The following KIF21B variants were observed in gnomAD, a reference collection of about 807,000 sequenced individuals.
KIF21B encodes kinesin family member 21B.
KIF21B carries 85 observed loss-of-function variants against 192.9 expected under a neutral mutation model. That is an observed-to-expected ratio of 0.44 (90% CI 0.37 to 0.53). KIF21B has a LOEUF of 0.53. Among genes scored for constraint, KIF21B ranks in the 20% least tolerant of loss-of-function variants. The pLI, the probability that KIF21B is intolerant of heterozygous loss-of-function variation, is 0.00. For missense variants in KIF21B, 1,716 were observed against 2,194.8 expected (o/e 0.78, Z 4.36); for synonymous variants, 832 against 884.6 (o/e 0.94, Z 1.05).
chr1:201,004,470 C>CCCTG lies in KIF21B; in HGVS notation c.901-19_901-16dup. 1 of 1,553,752 alleles carries CCCTG rather than the reference C, an allele frequency of 6.4e-7. No individual in the cohort carries two copies. The highest frequency in any genetic ancestry group is 1.2e-5 in the South Asian group (1 of 84,614). ...CCCAAGGCCAGCTGTGGGAGACAGA[C>CCCTG]CCTGGCACTCAGCAGTCACTCAGGG... On this transcript the variant is annotated splice_polypyrimidine_tract_variant and intron_variant, in intron 6 of 34. Coordinates refer to ENST00000461742, the MANE Select transcript of KIF21B (RefSeq NM_001252102.2).
chr1:200,974,049 G>C (rs777184295), intron 34 of KIF21B: 2 of 1,599,478 alleles, frequency 1.3e-6, no homozygotes, highest in African/African-American at 2.7e-5. Flanking sequence ...GAGGGAAAAG[G>C]AAAGAGGGGA....
chr1:200,976,708 G>T, intron 32 of KIF21B, 68 bp downstream of exon 32: 1 of 999,672 alleles, frequency 1.0e-6, no homozygotes, highest in Non-Finnish European at 1.5e-6. Flanking sequence ...GTACTCCCAG[G>T]GCAACAGAGG....
intron 15 of KIF21B, among the ~76,000 whole-genome samples, chr1:200,993,004 C>T (rs1183691031): frequency 7.2e-5 from 11 of 152,188 alleles, no homozygotes; most frequent in African/African-American, 1.2e-4. Context: ...GGCCATATTC[C>T]GAAAACAAAT....
At position 201,017,279 on chromosome 1, in the gene KIF21B, C is replaced by A. The variant is rs1040572100; in HGVS notation, c.41+6064G>T. Among the ~76,000 whole-genome samples the A allele has an allele frequency of 6.6e-6, 1 of 152,150 alleles. No homozygotes were observed. The highest frequency in any genetic ancestry group is 1.5e-5 in the Non-Finnish European group (1 of 68,028). On this transcript the variant is annotated intron_variant, in intron 1 of 34. Transcript: ENST00000461742. The surrounding 1 kb of genome is among the most constrained non-coding windows in gnomAD (Gnocchi z 4.1). ...GGAGGAGCTGAAAGAAGGGGCCAGT[C>A]CCTGTCCTGAGTTGGATATATCCCC...
chr1:201,021,765 A>G (rs368828134), intron 1 of KIF21B, among the ~76,000 whole-genome samples: 26 of 152,174 alleles, frequency 1.7e-4, no homozygotes, highest in Middle Eastern at 6.8e-3. Flanking sequence ...GGCACCCCCA[A>G]GCCCCTTCCT....
chr1:200,980,055 C>T (rs1336412366), intron 29 of KIF21B, among the ~76,000 whole-genome samples: 2 of 152,176 alleles, frequency 1.3e-5, no homozygotes, highest in Non-Finnish European at 2.9e-5. Flanking sequence ...TTCCTCCAAA[C>T]ACTAATTGCT....
In KIF21B at chr1:201,000,801, G is replaced by T. The variant is rs1657447072; in HGVS notation, c.1403-21C>A. The T allele has an allele frequency of 1.9e-6, 3 of 1,613,932 alleles. No individual in the cohort carries two copies. The East Asian group carries it at 6.7e-5, about 36-fold the overall frequency. On this transcript the variant is annotated intron_variant, in intron 9 of 34. Transcript: ENST00000461742. This position sits in a 1 kb window ranked among gnomAD's most constrained non-coding sequence, Gnocchi z 6.0. ...ATCGCCTGGAGTGGGACGGCGGGAA[G>T]AAGGGTGCGATAAAGAAGATAAATA...
At chr1:200,978,605 C>T (rs1404960756) in intron 30 of KIF21B, among the ~76,000 whole-genome samples, 1 of 152,172 alleles carries the variant, frequency 6.6e-6, no homozygotes, top group Non-Finnish European at 1.5e-5. Context: ...AGGGTTTGAA[C>T]AAATGTATAA....
At position 200,998,401 on chromosome 1, in the gene KIF21B, C is replaced by T. The variant is rs1657213030; in HGVS notation, c.2060G>A (p.Arg687His). ...GGCCTCACTGAGGTTCTGCAGCACA[C>T]GGTCGCGCTCCAGCTGTGTGTCTCG... ...KIRDTQLERD[R>H]VLQNLSTMEC... Residue 687 changes from arginine to histidine, a missense_variant, in exon 14 of 35, where the codon CGT becomes CAT. Arg to His is a conservative substitution (Grantham distance 29). Around this residue, in one of 3 missense-constraint regions of KIF21B, gnomAD observed 1,087 missense variants for 1,316.6 expected, o/e 0.83. Transcript: ENST00000461742. The surrounding 1 kb of genome is among the most constrained non-coding windows in gnomAD (Gnocchi z 4.3). The T allele has an allele frequency of 3.1e-6, 5 of 1,612,746 alleles. No homozygotes were observed. Among genetic ancestry groups the T allele is most frequent in the African/African-American group, 1.3e-5 (1 of 75,018 alleles).
chr1:201,000,529 A>T lies in KIF21B; in HGVS notation c.1546T>A (p.Ser516Thr), dbSNP rs1338251233. The T allele has an allele frequency of 6.2e-7, 1 of 1,612,704 alleles. No homozygotes were observed. The highest frequency in any genetic ancestry group is 8.5e-7 in the Non-Finnish European group (1 of 1,179,220). Residue 516 changes from serine to threonine, a missense_variant, in exon 11 of 35, where the codon TCC becomes ACC. Ser to Thr is a moderately conservative substitution (Grantham distance 58, BLOSUM62 1). This residue lies in a region of KIF21B where 1,087 missense variants were observed against 1,316.6 expected (regional missense o/e 0.83). Transcript: ENST00000461742. This position sits in a 1 kb window ranked among gnomAD's most constrained non-coding sequence, Gnocchi z 6.0. ...LSRASARSPY[S>T]LGASPAAPAF... Reference sequence around the variant, plus strand: ...GGGGCGGCTGGAGAAGCACCCAGGGAGTAGGGGCTCCTAGCCGAGGCCCGT... The same window carrying T: ...GGGGCGGCTGGAGAAGCACCCAGGGTGTAGGGGCTCCTAGCCGAGGCCCGT...
rs763078617 is a variant in KIF21B, at chr1:200,977,248, G to T, written c.4289C>A (p.Ala1430Asp). 1 of 1,613,914 alleles carries T rather than the reference G, an allele frequency of 6.2e-7. No individual in the cohort carries two copies. Among genetic ancestry groups the T allele is most frequent in the Admixed American group, 1.7e-5 (1 of 60,026 alleles). Residue 1430 changes from alanine to aspartate, a missense_variant, in exon 31 of 35, where the codon GCC (alanine) becomes GAC (aspartate). By Grantham distance (126) the Ala-to-Asp change is moderately radical. Around this residue, in one of 3 missense-constraint regions of KIF21B, gnomAD observed 580 missense variants for 775.5 expected, o/e 0.75. Transcript: ENST00000461742. ...LSPSGTMLYA[A>D]SGNAVRIWEL... ...CCAGATGCGGACGGCATTGCCCGAG[G>T]CGGCGTACAGCATGGTGCCCGAAGG...
Position 200,999,487 on chromosome 1 carries a change from G to A in KIF21B, c.1768-21C>T. 2 of 1,610,754 alleles carry A rather than the reference G, an allele frequency of 1.2e-6. No homozygotes were observed. Among genetic ancestry groups the A allele is most frequent in the East Asian group, 2.2e-5 (1 of 44,870 alleles). ...TCCTCCTGGGCACCAGGCACCATTG[G>A]GGTGGGCCTGGCCTCAGAGAGGGGA... On this transcript the variant is annotated intron_variant, in intron 12 of 34. Coordinates refer to ENST00000461742, the MANE Select transcript of KIF21B (RefSeq NM_001252102.2). The surrounding 1 kb of genome is among the most constrained non-coding windows in gnomAD (Gnocchi z 4.7).
Position 201,023,371 on chromosome 1 carries a change from C to A in KIF21B, c.13G>T (p.Gly5Trp). 1 of 1,528,002 alleles carries A rather than the reference C, an allele frequency of 6.5e-7. No individual in the cohort carries two copies. Among genetic ancestry groups the A allele is most frequent in the Non-Finnish European group, 8.8e-7 (1 of 1,140,048 alleles). 94.7% of individuals were successfully genotyped at this position (1,528,002 alleles called of 1,614,324 possible). ...ACGGCCACCTTGACGCAGCAGTCCC[C>A]CTGGCCGGCCATGGCCCTCTGGAGC... MAGQ[G>W]DCCVKVAVRI... Residue 5 changes from glycine to tryptophan, a missense_variant, in exon 1 of 35, where the codon GGG becomes TGG. Transcript: ENST00000461742. The surrounding 1 kb of genome is among the most constrained non-coding windows in gnomAD (Gnocchi z 5.9).
intron 6 of KIF21B, 28 bp from the exon 7 acceptor site, chr1:201,004,483 C>T: frequency 1.3e-6 from 2 of 1,535,192 alleles, no homozygotes; most frequent in Non-Finnish European, 1.8e-6. Flanking sequence ...TGGCACTCAG[C>T]AGTCACTCAG....
intron 1 of KIF21B, among the ~76,000 whole-genome samples, chr1:201,018,170 A>G (rs1658610033): frequency 6.6e-6 from 1 of 152,226 alleles, no homozygotes; most frequent in South Asian, 2.1e-4. Context: ...GACCTAGCAC[A>G]CATGGGGTTC....
chr1:200,998,667 T>A lies in KIF21B; in HGVS notation c.1886-92A>T, dbSNP rs1657240997. 7 of 1,192,944 alleles carry A rather than the reference T, an allele frequency of 5.9e-6. No individual in the cohort carries two copies. The South Asian group carries it at 9.4e-5, about 16-fold the overall frequency. 73.9% of individuals were successfully genotyped at this position (1,192,944 alleles called of 1,614,324 possible). On this transcript the variant is annotated intron_variant, in intron 13 of 34. Coordinates refer to ENST00000461742, the MANE Select transcript of KIF21B (RefSeq NM_001252102.2). The surrounding 1 kb of genome is among the most constrained non-coding windows in gnomAD (Gnocchi z 4.3). ...AGTGCTGGGGAGCTGGGACCCTCCT[T>A]TGGTCAGCCATGACCAATCAGTGAC...
At chr1:200,993,468 G>A (rs756678513) in intron 15 of KIF21B, among the ~76,000 whole-genome samples, 3 of 152,266 alleles carry the variant, frequency 2.0e-5, no homozygotes, top group East Asian at 1.9e-4. Context: ...CAGGCCGAGC[G>A]CGGTGGCTCA....
chr1:201,000,302 C>T lies in KIF21B; in HGVS notation c.1685+88G>A, dbSNP rs562691949. The T allele has an allele frequency of 4.6e-6, 6 of 1,318,228 alleles. No homozygotes were observed. The highest frequency in any genetic ancestry group is 2.8e-5 in the South Asian group (2 of 70,844). The allele number at this position is 1,318,228 out of a possible 1,614,324, so 81.7% of individuals were successfully genotyped here. A position where few individuals can be genotyped will look rare whatever the true frequency, so the allele number is the denominator to read the frequency against. ...GGGCGTGGAGGTTCCCTCCTAAACA[C>T]TGGTGGGCAGCAGTCCTCCTTGGGG... On this transcript the variant is annotated intron_variant, in intron 11 of 34. Transcript: ENST00000461742. This position sits in a 1 kb window ranked among gnomAD's most constrained non-coding sequence, Gnocchi z 6.0.
At chr1:200,977,119 C>A in intron 31 of KIF21B, 93 bp downstream of exon 31, 1 of 1,437,950 alleles carries the variant, frequency 7.0e-7, no homozygotes, top group South Asian at 1.3e-5. Flanking sequence ...TGCTGAGGTC[C>A]TACCCACCCT....
Sources: gnomAD v4.1 joint callset for allele counts (sites outside exome capture counted in the v4.1 genomes callset) on GRCh38, gnomAD v4.1.1 for gene constraint, gnomAD v4.1.1 regional missense constraint, Gnocchi (gnomAD v3.1) non-coding constraint, MANE v1.5 for transcripts, NCBI Gene and HGNC (gene_info 2026-07-23, HGNC 2026-07-21) for gene names.